F8: variants seen among roughly 807,000 people sequenced by gnomAD.
F8 encodes the protein coagulation factor VIII, also known as antihemophilic factor.
F8 carries 12 observed loss-of-function variants against 140.6 expected under a neutral mutation model. That is an observed-to-expected ratio of 0.09 (90% confidence interval 0.05 to 0.14). The LOEUF (loss-of-function observed/expected upper bound fraction) is 0.14. Ranked by LOEUF, F8 falls within the 10% of genes least tolerant of loss-of-function variation. F8 has a pLI of 1.00. For synonymous variants in F8, 585 were observed against 614.6 expected, an observed-to-expected ratio of 0.95 and a Z score of 0.71; for missense variants, 1,354 against 1,720.7, an observed-to-expected ratio of 0.79 and a Z score of 3.77.
At chrX:154,838,016 T>A (rs1195890893) in intron 25 of F8, among the ~76,000 whole-genome samples, 2 of 112,315 alleles carry the variant, frequency 1.8e-5, no homozygotes, top group African/African-American at 6.5e-5. Flanking sequence ...TTGTCCTGGG[T>A]CACACACAGC....
intron 24 of F8, 92 bp from the exon 25 acceptor site, chrX:154,860,700 C>T: frequency 1.2e-6 from 1 of 868,655 alleles, no homozygotes; most frequent in African/African-American, 2.0e-5. Flanking sequence ...CAGCACTTCT[C>T]ACTCTACTTT....
At chrX:155,010,686 A>G (rs868962320) in intron 1 of F8, among the ~76,000 whole-genome samples, 9 of 110,606 alleles carry the variant, frequency 8.1e-5, no homozygotes, top group African/African-American at 2.6e-4. Flanking sequence ...TGCATGCTAG[A>G]TGGACACTAA....
At chrX:154,896,295 C>A in intron 21 of F8, 63 bp from the exon 22 acceptor site, 1 of 1,091,430 alleles carries the variant, frequency 9.2e-7, no homozygotes, top group East Asian at 3.0e-5. Context: ...CCTCCTGAAA[C>A]TAATTATTAG....
intron 10 of F8, among the ~76,000 whole-genome samples, chrX:154,957,925 AG>A (rs782099743): frequency 9.1e-6 from 1 of 109,891 alleles, no homozygotes; most frequent in East Asian, 2.9e-4. Context: ...GGAATGGTGT[AG>A]TATGTTCTTT....
At chrX:154,898,780 G>A (rs1428173734) in intron 21 of F8, among the ~76,000 whole-genome samples, 1 of 111,802 alleles carries the variant, frequency 8.9e-6, no homozygotes, top group African/African-American at 3.3e-5. Flanking sequence ...GAAAAACTAG[G>A]AAATACTTTG....
intron 7 of F8, among the ~76,000 whole-genome samples, chrX:154,967,995 G>A (rs1557282186): frequency 8.9e-6 from 1 of 111,801 alleles, no homozygotes; most frequent in Non-Finnish European, 1.9e-5. Context: ...GGAACCTGAG[G>A]AGAAGGTTAA....
At chrX:154,843,126 G>C (rs1307355299) in intron 25 of F8, among the ~76,000 whole-genome samples, 2 of 111,898 alleles carry the variant, frequency 1.8e-5, no homozygotes, top group African/African-American at 3.2e-5. Flanking sequence ...GACATGAACA[G>C]ATCCTTTTTA....
At chrX:154,874,522 T>A (rs1174010723) in intron 22 of F8, among the ~76,000 whole-genome samples, 1 of 112,081 alleles carries the variant, frequency 8.9e-6, no homozygotes, top group East Asian at 2.8e-4. Flanking sequence ...TTCACAGCCT[T>A]AGGTGCTTTT....
chrX:154,982,619 C>CA (rs1359817323), intron 6 of F8, among the ~76,000 whole-genome samples: 6 of 110,612 alleles, frequency 5.4e-5, no homozygotes, highest in Non-Finnish European at 1.1e-4. Context: ...GCACCATTCC[C>CA]AGTTGGGACA....
At position 154,928,890 on chromosome X, in the gene F8, C is replaced by T; in HGVS notation, c.4900G>A (p.Glu1634Lys). Residue 1634 changes from glutamate (E) to lysine (K), a missense_variant, in exon 14 of 26, where the codon GAG (glutamate) becomes AAG (lysine). Physicochemically the swap from Glu to Lys is moderately conservative, Grantham distance 56. Transcript: ENST00000360256. ...TCTATTTCGGGCTTATTTTGTCCCT[C>T]ATTTATTGCTGCTATTGCATGATTG... ...ESNHAIAAIN[E>K]GQNKPEIEVT... 1.7e-6 allele frequency: 2 copies of T among 1,211,683 alleles called. No homozygotes were observed. Among genetic ancestry groups the T allele is most frequent in the Non-Finnish European group, 2.2e-6 (2 of 895,523 alleles).
At chrX:154,854,267 T>G (rs5945120) in intron 25 of F8, among the ~76,000 whole-genome samples, 15,507 of 111,562 alleles carry the variant, frequency 0.14, 931 homozygotes, top group South Asian at 0.35. Flanking sequence ...AGATTAACAT[T>G]TGAATTGGTA....
chrX:154,991,403 CT>C (rs2073587788), intron 4 of F8, among the ~76,000 whole-genome samples: 1 of 112,120 alleles, frequency 8.9e-6, no homozygotes, highest in Non-Finnish European at 1.9e-5. Flanking sequence ...ATTCTAGTGT[CT>C]TTTCTCTATA....
intron 6 of F8, among the ~76,000 whole-genome samples, chrX:154,973,472 A>G (rs925784970): frequency 8.9e-6 from 1 of 112,619 alleles, no homozygotes; most frequent in Non-Finnish European, 1.9e-5. Context: ...ATCCATGAAC[A>G]TGAAATATCT....
intron 22 of F8, chrX:154,886,065 T>G: frequency 2.0e-6 from 1 of 488,886 alleles, no homozygotes; most frequent in South Asian, 3.5e-5. Context: ...TGGGATGCCT[T>G]TAGCAACCTA....
chrX:154,836,079 T>C lies in F8; in HGVS notation c.*1518A>G, dbSNP rs782295083. 1 of 112,407 alleles carries C rather than the reference T, an allele frequency of 8.9e-6. No homozygotes were observed. The highest frequency in any genetic ancestry group is 9.4e-5 in the Admixed American group (1 of 10,636). 9.3% of individuals were successfully genotyped at this position (112,407 alleles called of 1,213,427 possible). ...AAACCATTTGCACCTGCATCATTTG[T>C]GGATTGTGACTATACTGTGACAGCT... On this transcript the variant is annotated 3_prime_UTR_variant, in exon 26 of 26. Transcript: ENST00000360256.
Position 155,022,571 on chromosome X carries a change from T to G in F8, c.-19A>C. ...TTTGCATGACTTATTGCTACAAATG[T>G]TCAACTGGAGAAGCAAAAGGTTAAT... On this transcript the variant is annotated 5_prime_UTR_variant, in exon 1 of 26. Coordinates refer to ENST00000360256, the MANE Select transcript of F8 (RefSeq NM_000132.4). 8.3e-7 allele frequency: 1 copy of G among 1,212,012 alleles called. No individual in the cohort carries two copies. Among genetic ancestry groups the G allele is most frequent in the South Asian group, 1.8e-5 (1 of 57,032 alleles).
intron 10 of F8, among the ~76,000 whole-genome samples, chrX:154,960,592 TGA>T (rs782609475): frequency 0.011 from 1,080 of 99,596 alleles, 13 homozygotes; most frequent in African/African-American, 0.036. Flanking sequence ...GAAACCCTGT[TGA>T]GAGAGAGAGA....
At chrX:155,007,255 A>C (rs964731026) in intron 1 of F8, among the ~76,000 whole-genome samples, 3 of 112,876 alleles carry the variant, frequency 2.7e-5, no homozygotes, top group African/African-American at 6.4e-5. Context: ...CAAACCAACA[A>C]CACATATAAA....
In F8 at chrX:155,010,556, C is replaced by CT. The variant is rs782452247; in HGVS notation, c.144-10957dup. Among the ~76,000 whole-genome samples, 4 of 111,081 alleles carry CT rather than the reference C, an allele frequency of 3.6e-5. No homozygotes were observed. In the East Asian group the frequency reaches 1.1e-3, roughly 31 times the overall value. ...TTCATTAAAATAAAAATTCTATCAA[C>CT]TTTTTTCTGGTAAATACATGTGACT... On this transcript the variant is annotated intron_variant, in intron 1 of 25. Coordinates refer to ENST00000360256, the MANE Select transcript of F8 (RefSeq NM_000132.4).
Sources: gnomAD v4.1 joint callset for allele counts (sites outside exome capture counted in the v4.1 genomes callset) on GRCh38, gnomAD v4.1.1 for gene constraint, MANE v1.5 for transcripts, NCBI Gene and HGNC (gene_info 2026-07-23, HGNC 2026-07-21) for gene names.